PTPRR: variants seen among roughly 807,000 people sequenced by gnomAD.
PTPRR encodes the protein receptor-type tyrosine-protein phosphatase R.
PTPRR carries 38 observed loss-of-function variants against 77.2 expected under a neutral mutation model. The ratio of observed to expected loss-of-function variants is 0.49; its 90% CI spans 0.38 to 0.65. The LOEUF (loss-of-function observed/expected upper bound fraction) is 0.65. PTPRR is among the 30% of genes least tolerant of loss of function. The pLI, the probability that PTPRR is intolerant of heterozygous loss-of-function variation, is 0.00. For missense variants in PTPRR, 744 were observed against 799.2 expected (o/e 0.93, Z 0.83); for synonymous variants, 299 against 283.1 (o/e 1.06, Z -0.57).
At chr12:70,721,110 C>G (rs2136846838) in intron 6 of PTPRR, among the ~76,000 whole-genome samples, 1 of 152,198 alleles carries the variant, frequency 6.6e-6, no homozygotes, top group African/African-American at 2.4e-5. Context: ...AGGCATATAC[C>G]CATTGTTACT....
intron 2 of PTPRR, among the ~76,000 whole-genome samples, chr12:70,791,454 G>A (rs772567278): frequency 4.6e-5 from 7 of 152,014 alleles, no homozygotes; most frequent in Non-Finnish European, 7.4e-5. Context: ...AGAATACCAC[G>A]TTTCCTGTCA....
At chr12:70,760,065 G>A (rs117942821) in intron 4 of PTPRR, among the ~76,000 whole-genome samples, 8 of 152,324 alleles carry the variant, frequency 5.3e-5, no homozygotes, top group Non-Finnish European at 1.2e-4. Context: ...GGTTGTGACA[G>A]TGATGGTTCA....
chr12:70,771,911 G>A (rs1379687760), intron 2 of PTPRR, among the ~76,000 whole-genome samples: 1 of 152,106 alleles, frequency 6.6e-6, no homozygotes, highest in African/African-American at 2.4e-5. Flanking sequence ...TTTGGTCTAA[G>A]ATAAACAATT....
intron 10 of PTPRR, among the ~76,000 whole-genome samples, chr12:70,669,502 G>A (rs577751162): frequency 1.6e-5 from 2 of 122,630 alleles, no homozygotes; most frequent in Admixed American, 7.6e-5. Flanking sequence ...ATATATATAC[G>A]AGCTATATAT....
chr12:70,672,322 G>A, intron 10 of PTPRR: 2 of 1,560,740 alleles, frequency 1.3e-6, no homozygotes, highest in South Asian at 2.2e-5. Flanking sequence ...ACTTCAGCAA[G>A]TTTGCCAACT....
At chr12:70,911,857 A>G (rs1231832386) in intron 1 of PTPRR, among the ~76,000 whole-genome samples, 4 of 152,164 alleles carry the variant, frequency 2.6e-5, no homozygotes, top group Non-Finnish European at 5.9e-5. Flanking sequence ...CCAAGGTACA[A>G]TTAACCATTT....
chr12:70,874,348 C>T (rs1433597785), intron 2 of PTPRR, among the ~76,000 whole-genome samples: 2 of 151,958 alleles, frequency 1.3e-5, no homozygotes, highest in African/African-American at 4.8e-5. Context: ...CAGGTGGCGA[C>T]CAAGATATTC....
intron 8 of PTPRR, among the ~76,000 whole-genome samples, chr12:70,697,877 C>T (rs1888284034): frequency 6.6e-6 from 1 of 152,096 alleles, no homozygotes; most frequent in South Asian, 2.1e-4. Context: ...GAATATGTGT[C>T]TATTGGAATT....
chr12:70,859,708 A>G lies in PTPRR; in HGVS notation c.357+32971T>C, dbSNP rs187907037. On this transcript the variant is annotated intron_variant, in intron 2 of 13. Coordinates refer to ENST00000283228, the MANE Select transcript of PTPRR (RefSeq NM_002849.4). Reference sequence around the variant, plus strand: ...GTTTTCCAAGAAATAGGCAACAAATATATCAGCTGAGAGGGAGGCTGAAAA... The same window carrying G: ...GTTTTCCAAGAAATAGGCAACAAATGTATCAGCTGAGAGGGAGGCTGAAAA... Among the ~76,000 whole-genome samples, 759 of 152,178 alleles carry G rather than the reference A, an allele frequency of 5.0e-3. 10 individuals are homozygous for G. The highest frequency in any genetic ancestry group is 6.8e-3 in the Non-Finnish European group (461 of 67,970).
At chr12:70,813,684 C>T (rs1023289251) in intron 2 of PTPRR, among the ~76,000 whole-genome samples, 3 of 152,282 alleles carry the variant, frequency 2.0e-5, no homozygotes, top group Non-Finnish European at 2.9e-5. Flanking sequence ...GTGGGATGAG[C>T]GTCACCAGCA....
chr12:70,678,882 A>G (rs1049292557), intron 10 of PTPRR, among the ~76,000 whole-genome samples: 2 of 152,050 alleles, frequency 1.3e-5, no homozygotes, highest in African/African-American at 4.8e-5. Context: ...GGGTTTCACC[A>G]TGTTGGCCAG....
chr12:70,696,913 A>G (rs1170695338), intron 8 of PTPRR, among the ~76,000 whole-genome samples: 1 of 152,142 alleles, frequency 6.6e-6, no homozygotes, highest in Non-Finnish European at 1.5e-5. Flanking sequence ...TTCAAGGTTC[A>G]TTCAAGGTTC....
At chr12:70,839,317 A>G (rs1021160325) in intron 2 of PTPRR, among the ~76,000 whole-genome samples, 6 of 150,070 alleles carry the variant, frequency 4.0e-5, no homozygotes, top group East Asian at 3.9e-4. Context: ...TATTCTGGAT[A>G]TGTGTGTGTG....
chr12:70,920,565 T>C lies in PTPRR; in HGVS notation c.-175A>G. 1.7e-6 allele frequency: 1 copy of C among 597,624 alleles called. No individual in the cohort carries two copies. The highest frequency in any genetic ancestry group is 3.0e-6 in the Non-Finnish European group (1 of 332,794). The allele number at this position is 597,624 out of a possible 1,614,324, so 37.0% of individuals were successfully genotyped here. On this transcript the variant is annotated 5_prime_UTR_variant, in exon 1 of 14. Coordinates refer to ENST00000283228, the MANE Select transcript of PTPRR (RefSeq NM_002849.4). ...ACAGAAACCAGCACCAGCTTCAACC[T>C]CCCTAAGAGAGGGAGAGAGGAAGAG...
chr12:70,647,889 C>A (rs1300925004), intron 13 of PTPRR, among the ~76,000 whole-genome samples: 1 of 152,136 alleles, frequency 6.6e-6, no homozygotes, highest in Non-Finnish European at 1.5e-5. Context: ...TTATCATATT[C>A]AGATATTAAT....
chr12:70,878,596 A>G (rs1367251398), intron 2 of PTPRR, among the ~76,000 whole-genome samples: 1 of 152,202 alleles, frequency 6.6e-6, no homozygotes. Context: ...AAAAGTCACG[A>G]AACAGCAGGT....
intron 2 of PTPRR, among the ~76,000 whole-genome samples, chr12:70,872,588 C>T (rs935145597): frequency 1.8e-4 from 26 of 146,994 alleles, no homozygotes; most frequent in Non-Finnish European, 3.6e-4. Flanking sequence ...CCCAGCTACT[C>T]GGGAGGCTGA....
At position 70,870,652 on chromosome 12, in the gene PTPRR, T is replaced by C. The variant is rs144993076; in HGVS notation, c.357+22027A>G. ...CTGGAATGTCAAAAGAATGAGAGGC[T>C]TCTCAAAAAGTTAACCATCCTAAGT... On this transcript the variant is annotated intron_variant, in intron 2 of 13. Coordinates refer to ENST00000283228, the MANE Select transcript of PTPRR (RefSeq NM_002849.4). Among the ~76,000 whole-genome samples, 1,000 of 152,332 alleles carry C rather than the reference T, an allele frequency of 6.6e-3. 5 individuals carry two copies. The highest frequency in any genetic ancestry group is 9.5e-3 in the Non-Finnish European group (647 of 68,028).
At chr12:70,734,773 G>T (rs537428933) in intron 6 of PTPRR, among the ~76,000 whole-genome samples, 54 of 152,278 alleles carry the variant, frequency 3.5e-4, no homozygotes, top group African/African-American at 1.2e-3. Flanking sequence ...TTCAGGGTCT[G>T]CTTGGAGAGA....
Sources: allele counts gnomAD v4.1 joint callset (sites outside exome capture counted in the v4.1 genomes callset), GRCh38; gene constraint gnomAD v4.1.1; transcripts MANE v1.5; gene names NCBI Gene and HGNC (gene_info 2026-07-23, HGNC 2026-07-21).